Variants in CWF19L2 observed in about 807,000 individuals in gnomAD.
The protein encoded by CWF19L2 is CWF19 like cell cycle control factor 2, also known as CWF19-like protein 2.
Under a neutral mutation model 111.7 loss-of-function variants are expected in CWF19L2, and 98 were observed. The observed-to-expected ratio is 0.88, with a 90% CI of 0.75 to 1.04. The LOEUF (loss-of-function observed/expected upper bound fraction) is 1.04. Among genes scored for constraint, CWF19L2 ranks in the 50% least tolerant of loss-of-function variants. The pLI, the probability that CWF19L2 is intolerant of heterozygous loss-of-function variation, is 0.00. For synonymous variants in CWF19L2, 351 were observed against 342.9 expected (o/e 1.02, Z -0.26); for missense variants, 1,101 against 1,051.4 (o/e 1.05, Z -0.65).
intron 12 of CWF19L2, 142 bp downstream of exon 12, chr11:107,389,932 T>C: frequency 4.4e-6 from 3 of 682,628 alleles, no homozygotes; most frequent in Non-Finnish European, 7.0e-6. Context: ...AAAATGCATG[T>C]TTCTAATAAG....
At chr11:107,411,652 C>T (rs906278145) in intron 10 of CWF19L2, among the ~76,000 whole-genome samples, 2 of 152,012 alleles carry the variant, frequency 1.3e-5, no homozygotes, top group African/African-American at 4.8e-5. Flanking sequence ...TAAGGAAGGG[C>T]AGGTTATTTA....
At chr11:107,392,244 A>T (rs1250907663) in intron 11 of CWF19L2, among the ~76,000 whole-genome samples, 3 of 150,974 alleles carry the variant, frequency 2.0e-5, no homozygotes, top group East Asian at 3.8e-4. Flanking sequence ...AATTTAAAAT[A>T]AAAAAAACTA....
At chr11:107,454,898 CACAA>C (rs1329903224) in intron 2 of CWF19L2, among the ~76,000 whole-genome samples, 1 of 152,076 alleles carries the variant, frequency 6.6e-6, no homozygotes, top group African/African-American at 2.4e-5. Context: ...TCTATACACA[CACAA>C]ACACACATAC....
chr11:107,402,898 TATATAATGGA>T (rs1861026987), intron 10 of CWF19L2, among the ~76,000 whole-genome samples: 2 of 131,846 alleles, frequency 1.5e-5, no homozygotes, highest in African/African-American at 6.2e-5. Flanking sequence ...TATATATATA[TATATAATGGA>T]ATACTATGCA....
intron 16 of CWF19L2, among the ~76,000 whole-genome samples, chr11:107,331,894 T>A (rs1859854801): frequency 6.6e-6 from 1 of 152,228 alleles, no homozygotes; most frequent in African/African-American, 2.4e-5. Flanking sequence ...TTAGCAGGCA[T>A]TGCAAAGGCT....
intron 14 of CWF19L2, 158 bp downstream of exon 14, chr11:107,348,779 C>T (rs1487629545): frequency 5.0e-6 from 2 of 401,530 alleles, no homozygotes; most frequent in African/African-American, 4.1e-5. Context: ...ATGATGGAAA[C>T]ATCATGATCC....
chr11:107,390,063 A>G lies in CWF19L2; in HGVS notation c.1872+11T>C. The G allele has an allele frequency of 6.2e-7, 1 of 1,610,980 alleles. No homozygotes were observed. Among genetic ancestry groups the G allele is most frequent in the Non-Finnish European group, 8.5e-7 (1 of 1,178,498 alleles). On this transcript the variant is annotated intron_variant, in intron 12 of 17. Transcript: ENST00000282251. ...CTCAAAATTCAGAGGTATCCTAGGAATATATCTTACCTTAGATGCCATTCT... is the reference window on the plus strand; with the variant it reads ...CTCAAAATTCAGAGGTATCCTAGGAGTATATCTTACCTTAGATGCCATTCT...
rs1239111430 is a variant in CWF19L2, at chr11:107,353,699, T to C, written c.1910A>G (p.Asp637Gly). 1.2e-6 allele frequency: 2 copies of C among 1,613,784 alleles called. No homozygotes were observed. The highest frequency in any genetic ancestry group is 1.7e-6 in the Non-Finnish European group (2 of 1,179,752). ...GKTDGDYYTL[D>G]DMFVSKAAER... ...AGCTGCTTTGGAGACAAACATGTCA[T>C]CCAGGGTGTAATAGTCTCCATCTGT... The change falls in exon 13 of 18, where the codon GAT (aspartate) becomes GGT (glycine). Residue 637 changes from aspartate (D) to glycine (G), a missense_variant. Coordinates refer to ENST00000282251, the MANE Select transcript of CWF19L2 (RefSeq NM_152434.3).
At chr11:107,456,630 G>A (rs1861859259) in intron 1 of CWF19L2, among the ~76,000 whole-genome samples, 1 of 151,566 alleles carries the variant, frequency 6.6e-6, no homozygotes, top group Non-Finnish European at 1.5e-5. Context: ...GAGAACTGCT[G>A]AAGCAACAAG....
intron 8 of CWF19L2, among the ~76,000 whole-genome samples, chr11:107,425,481 C>T (rs1461142598): frequency 6.6e-6 from 1 of 151,912 alleles, no homozygotes; most frequent in African/African-American, 2.4e-5. Context: ...CTAGAGGCAA[C>T]AGGCTGTACC....
chr11:107,415,635 A>G (rs113436971), intron 10 of CWF19L2, among the ~76,000 whole-genome samples: 6 of 152,248 alleles, frequency 3.9e-5, no homozygotes, highest in African/African-American at 1.4e-4. Flanking sequence ...ATCAGTAAGC[A>G]GCACAGTCCA....
intron 8 of CWF19L2, among the ~76,000 whole-genome samples, chr11:107,426,746 T>C (rs1483837627): frequency 1.3e-5 from 2 of 151,606 alleles, no homozygotes; most frequent in Non-Finnish European, 1.5e-5. Flanking sequence ...TAGAGCTATT[T>C]AACTTACATA....
intron 8 of CWF19L2, among the ~76,000 whole-genome samples, chr11:107,418,709 T>G (rs77616476): frequency 0.022 from 3,296 of 152,298 alleles, 118 homozygotes; most frequent in African/African-American, 0.074. Context: ...TCTAACTGCA[T>G]TCAAAGAATA....
At chr11:107,397,966 G>A (rs748195957) in intron 10 of CWF19L2, among the ~76,000 whole-genome samples, 5 of 152,110 alleles carry the variant, frequency 3.3e-5, no homozygotes, top group African/African-American at 7.2e-5. Context: ...AGGAAAAGGC[G>A]GAGATTATTA....
intron 13 of CWF19L2, among the ~76,000 whole-genome samples, chr11:107,352,728 A>C (rs1187250268): frequency 6.6e-6 from 1 of 152,204 alleles, no homozygotes; most frequent in East Asian, 1.9e-4. Context: ...AAATCAAAAG[A>C]AGCCAGAATG....
chr11:107,353,264 A>C (rs1489523001), intron 13 of CWF19L2, among the ~76,000 whole-genome samples: 1 of 152,150 alleles, frequency 6.6e-6, no homozygotes, highest in African/African-American at 2.4e-5. Context: ...GTATACAAAA[A>C]TTATTTATTC....
At chr11:107,333,162 G>A (rs1179387494) in intron 16 of CWF19L2, among the ~76,000 whole-genome samples, 1 of 151,776 alleles carries the variant, frequency 6.6e-6, no homozygotes. Context: ...CCCTCAGCTA[G>A]TCTCAGATAC....
At chr11:107,457,187 G>A (rs145817900) in intron 1 of CWF19L2, among the ~76,000 whole-genome samples, 2 of 152,274 alleles carry the variant, frequency 1.3e-5, no homozygotes, top group East Asian at 1.9e-4. Context: ...TTTGTGACAG[G>A]CTAAATATAC....
intron 12 of CWF19L2, among the ~76,000 whole-genome samples, chr11:107,373,295 T>C (rs1350899158): frequency 7.8e-6 from 1 of 128,140 alleles, no homozygotes; most frequent in African/African-American, 3.3e-5. Flanking sequence ...TGCCTGCCTC[T>C]GTAGGCTCCA....
Sources: allele counts gnomAD v4.1 joint callset (sites outside exome capture counted in the v4.1 genomes callset), GRCh38; gene constraint gnomAD v4.1.1; transcripts MANE v1.5; gene names NCBI Gene and HGNC (gene_info 2026-07-23, HGNC 2026-07-21).